The following EPS15 variants were observed in gnomAD, a reference collection of about 807,000 sequenced individuals.
EPS15 encodes epidermal growth factor receptor substrate 15.
A neutral mutation model predicts 113.8 loss-of-function variants in EPS15; 72 were observed. The ratio of observed to expected loss-of-function variants is 0.63; its 90% confidence interval spans 0.52 to 0.77. The LOEUF (loss-of-function observed/expected upper bound fraction) is 0.77, where lower values mean the gene tolerates loss of function less well. Among genes scored for constraint, EPS15 ranks in the 30% least tolerant of loss-of-function variants. EPS15 has a pLI of 0.00. For synonymous variants in EPS15, 344 were observed against 363.4 expected (o/e 0.95, Z 0.61); for missense variants, 1,048 against 1,045.8 (o/e 1.00, Z -0.03).
chr1:51,516,453 T>C (rs777611864), intron 1 of EPS15, among the ~76,000 whole-genome samples: 57 of 150,810 alleles, frequency 3.8e-4, no homozygotes, highest in Non-Finnish European at 7.7e-4. Context: ...CCCAAACCCA[T>C]ACAGTTAGCT....
chr1:51,425,195 T>C (rs1651099735), intron 12 of EPS15, among the ~76,000 whole-genome samples: 1 of 152,204 alleles, frequency 6.6e-6, no homozygotes, highest in Admixed American at 6.5e-5. Context: ...AGCGGTGAAT[T>C]TGAACCATCA....
At chr1:51,457,673 CAA>C (rs943047594) in intron 8 of EPS15, 1 of 151,838 alleles carries the variant, frequency 6.6e-6, no homozygotes, top group African/African-American at 2.4e-5. Context: ...GTGCATGAAA[CAA>C]AAGTTTTGAC....
At chr1:51,513,704 A>G (rs569411003) in intron 1 of EPS15, among the ~76,000 whole-genome samples, 1 of 152,236 alleles carries the variant, frequency 6.6e-6, no homozygotes, top group Non-Finnish European at 1.5e-5. Flanking sequence ...TCCAATTTGA[A>G]ATGATGATAA....
At chr1:51,473,071 TGA>T in intron 2 of EPS15, 123 bp from the exon 3 acceptor site, 2 of 721,354 alleles carry the variant, frequency 2.8e-6, no homozygotes, top group Non-Finnish European at 4.9e-6. Flanking sequence ...GAGAATCCTT[TGA>T]CTACCATGGG....
chr1:51,354,783 C>T lies in EPS15; in HGVS notation c.*1917G>A, dbSNP rs555249437. 4 of 193,178 alleles carry T rather than the reference C, an allele frequency of 2.1e-5. No individual in the cohort carries two copies. The highest frequency in any genetic ancestry group is 9.3e-5 in the African/African-American group (4 of 43,150). 12.0% of individuals were successfully genotyped at this position (193,178 alleles called of 1,614,324 possible). On this transcript the variant is annotated 3_prime_UTR_variant, in exon 25 of 25. Transcript: ENST00000371733. Reference sequence around the variant, plus strand: ...AACAAAAGATAAAAATCTATGTAATCCAGTTAAACATACATAAGATTAGGA... The same window carrying T: ...AACAAAAGATAAAAATCTATGTAATTCAGTTAAACATACATAAGATTAGGA...
At chr1:51,405,805 G>A (rs562408926) in intron 16 of EPS15, 100 bp downstream of exon 16, 74 of 955,896 alleles carry the variant, frequency 7.7e-5, no homozygotes, top group Admixed American at 5.6e-4. Context: ...ATTGTCCTCA[G>A]ATGAGGCAAG....
intron 1 of EPS15, among the ~76,000 whole-genome samples, chr1:51,493,349 A>G (rs1644271038): frequency 6.9e-6 from 1 of 145,722 alleles, no homozygotes; most frequent in African/African-American, 2.6e-5. Context: ...TGACAGAGCG[A>G]GACTCCATCC....
At chr1:51,430,169 C>T (rs1651590608) in intron 12 of EPS15, among the ~76,000 whole-genome samples, 1 of 152,176 alleles carries the variant, frequency 6.6e-6, no homozygotes, top group African/African-American at 2.4e-5. Flanking sequence ...TAGGAACTGT[C>T]AGAAGCCTTG....
chr1:51,510,413 G>A (rs1644598863), intron 1 of EPS15, among the ~76,000 whole-genome samples: 1 of 152,208 alleles, frequency 6.6e-6, no homozygotes. Context: ...TAATACAGAA[G>A]ATTAATGCCT....
At chr1:51,395,523 T>TAC (rs139866618) in intron 20 of EPS15, among the ~76,000 whole-genome samples, 21,284 of 150,514 alleles carry the variant, frequency 0.14, 1,976 homozygotes, top group Middle Eastern at 0.28. Context: ...CATACACACA[T>TAC]ACACACACAC....
chr1:51,489,795 G>A (rs1447025818), intron 1 of EPS15, among the ~76,000 whole-genome samples: 1 of 152,092 alleles, frequency 6.6e-6, no homozygotes, highest in African/African-American at 2.4e-5. Context: ...AGCTTCAACA[G>A]CTATTGTGTG....
At chr1:51,477,768 G>A (rs1165401103) in intron 2 of EPS15, among the ~76,000 whole-genome samples, 2 of 152,172 alleles carry the variant, frequency 1.3e-5, no homozygotes, top group Non-Finnish European at 2.9e-5. Flanking sequence ...GTGGTTTTGA[G>A]TGAGTTTCTT....
chr1:51,408,607 A>ATGT (rs1041799866), intron 14 of EPS15, among the ~76,000 whole-genome samples: 9 of 150,856 alleles, frequency 6.0e-5, no homozygotes, highest in African/African-American at 2.0e-4. Context: ...GGAGTTTTTG[A>ATGT]TGTTGTTGTT....
intron 5 of EPS15, among the ~76,000 whole-genome samples, chr1:51,466,908 G>C (rs912188643): frequency 7.2e-5 from 11 of 152,032 alleles, no homozygotes; most frequent in Non-Finnish European, 1.0e-4. Context: ...AAAAAGACTT[G>C]CAACTCATAC....
intron 6 of EPS15, 76 bp from the exon 7 acceptor site, chr1:51,463,874 TAAA>T: frequency 1.2e-6 from 1 of 826,750 alleles, no homozygotes; most frequent in Non-Finnish European, 1.9e-6. Flanking sequence ...ATCAAGTCCT[TAAA>T]GAATAGACTA....
intron 1 of EPS15, among the ~76,000 whole-genome samples, chr1:51,509,175 G>A (rs943737193): frequency 3.3e-5 from 5 of 151,974 alleles, no homozygotes; most frequent in Non-Finnish European, 7.4e-5. Context: ...ACACACAGGA[G>A]GCATCTAGTA....
At chr1:51,405,699 C>CAA (rs199667048) in intron 16 of EPS15, among the ~76,000 whole-genome samples, 31 of 142,794 alleles carry the variant, frequency 2.2e-4, no homozygotes, top group South Asian at 1.1e-3. Flanking sequence ...ACTCCATCTC[C>CAA]AAAAAAAAAA....
At chr1:51,491,900 T>C (rs1644241096) in intron 1 of EPS15, among the ~76,000 whole-genome samples, 1 of 147,006 alleles carries the variant, frequency 6.8e-6, no homozygotes, top group Non-Finnish European at 1.5e-5. Flanking sequence ...TGTTGCCCAG[T>C]CTGTTGCCCA....
intron 1 of EPS15, among the ~76,000 whole-genome samples, chr1:51,511,894 T>C (rs749577074): frequency 3.9e-5 from 6 of 152,228 alleles, no homozygotes; most frequent in Non-Finnish European, 5.9e-5. Context: ...TACTGTTATA[T>C]TCCCATTGTA....
Sources: gnomAD v4.1 joint callset for allele counts (sites outside exome capture counted in the v4.1 genomes callset) on GRCh38, gnomAD v4.1.1 for gene constraint, MANE v1.5 for transcripts, NCBI Gene and HGNC (gene_info 2026-07-23, HGNC 2026-07-21) for gene names.